SAMD3: variants seen among roughly 807,000 people sequenced by gnomAD.
SAMD3 encodes the protein sterile alpha motif domain-containing protein 3.
In SAMD3, 63 loss-of-function variants were observed where a neutral mutation model predicts 58.5. The observed-to-expected ratio is 1.08, with a 90% CI of 0.88 to 1.33. The LOEUF is 1.33. SAMD3 is among the 40% of genes most tolerant of loss of function. The pLI is 0.00. For synonymous variants in SAMD3, 220 were observed against 210.3 expected (o/e 1.05, Z -0.40); for missense variants, 604 against 608.4 (o/e 0.99, Z 0.08).
In SAMD3 at chr6:130,159,152, T is replaced by C. The variant is rs376302095; in HGVS notation, c.823-4127A>G. 6.6e-5 allele frequency among the ~76,000 whole-genome samples: 10 copies of C among 152,278 alleles called. No individual in the cohort carries two copies. In the South Asian group the frequency reaches 1.0e-3, roughly 16 times the overall value. ...GTGGGAAGGACCAGTTGGGAGATGA[T>C]TGAATCATGGGGGCAAGTCTTTCTC... On this transcript the variant is annotated intron_variant, in intron 8 of 11. Coordinates refer to ENST00000439090, the MANE Select transcript of SAMD3 (RefSeq NM_001017373.4).
chr6:130,365,489 C>T (rs1778112703), upstream of SAMD3: 2 of 985,232 alleles, frequency 2.0e-6, no homozygotes, highest in Non-Finnish European at 2.4e-6. Context: ...CCCGGCCCGC[C>T]GGGCGGCATC....
At chr6:130,245,602 C>T (rs1320813323) in intron 2 of SAMD3, among the ~76,000 whole-genome samples, 1 of 152,218 alleles carries the variant, frequency 6.6e-6, no homozygotes, top group African/African-American at 2.4e-5. Context: ...TCTGAGTGCA[C>T]ATTGGTGGCC....
At chr6:130,191,548 A>G (rs570687411) in intron 5 of SAMD3, among the ~76,000 whole-genome samples, 8 of 152,132 alleles carry the variant, frequency 5.3e-5, no homozygotes, top group African/African-American at 1.4e-4. Context: ...AAGCTCTTGA[A>G]TTTTCAAACT....
At chr6:130,239,197 A>G (rs1773269890) in intron 2 of SAMD3, among the ~76,000 whole-genome samples, 1 of 152,166 alleles carries the variant, frequency 6.6e-6, no homozygotes, top group African/African-American at 2.4e-5. Flanking sequence ...CTACCTTGCA[A>G]ATGGAGATAA....
intron 2 of SAMD3, among the ~76,000 whole-genome samples, chr6:130,255,131 T>C (rs1410697619): frequency 6.6e-6 from 1 of 152,262 alleles, no homozygotes; most frequent in Non-Finnish European, 1.5e-5. Context: ...TATTGACTTC[T>C]AGTTTCATAC....
rs201770356 is a variant in SAMD3, at chr6:130,214,503, G to A, written c.103C>T (p.Leu35Phe). Residue 35 changes from leucine to phenylalanine, a missense_variant, in exon 4 of 12, where the codon CTT becomes TTT. Transcript: ENST00000439090. ...ACCATCCGATCATTAAGTGCAAGAA[G>A]AGCGGCCCCACTTACTTCTTCCTCT... ...FQEEEVSGAA[L>F]LALNDRMVQQ... 1 of 1,600,960 alleles carries A rather than the reference G, an allele frequency of 6.2e-7. No homozygotes were observed. The highest frequency in any genetic ancestry group is 1.7e-4 in the Middle Eastern group (1 of 5,984).
chr6:130,271,723 T>C (rs1774570244), intron 2 of SAMD3, among the ~76,000 whole-genome samples: 1 of 152,162 alleles, frequency 6.6e-6, no homozygotes, highest in Non-Finnish European at 1.5e-5. Context: ...GACTGGGTAA[T>C]TAATAAAGGA....
chr6:130,318,053 C>T (rs956531983), intron 1 of SAMD3, among the ~76,000 whole-genome samples: 3 of 152,180 alleles, frequency 2.0e-5, no homozygotes, highest in Non-Finnish European at 4.4e-5. Flanking sequence ...CTGATCAACA[C>T]ATGCATGTTA....
At chr6:130,365,416 C>T in exon 1 of SAMD3, 1 of 985,442 alleles carries the variant, frequency 1.0e-6, no homozygotes, top group Non-Finnish European at 1.2e-6. Context: ...GGGCCTTGGC[C>T]GCGTCTTTTC....
intron 2 of SAMD3, among the ~76,000 whole-genome samples, chr6:130,284,779 G>C (rs1404463930): frequency 6.6e-6 from 1 of 152,156 alleles, no homozygotes; most frequent in African/African-American, 2.4e-5. Flanking sequence ...GATGAAGATG[G>C]TTACTACGCG....
At chr6:130,156,710 C>G (rs1056115673) in intron 8 of SAMD3, among the ~76,000 whole-genome samples, 1 of 151,972 alleles carries the variant, frequency 6.6e-6, no homozygotes, top group Non-Finnish European at 1.5e-5. Flanking sequence ...GCAGCTCACA[C>G]CCAGTAATCC....
At chr6:130,343,650 A>T (rs747349066) in intron 1 of SAMD3, among the ~76,000 whole-genome samples, 1 of 152,126 alleles carries the variant, frequency 6.6e-6, no homozygotes, top group African/African-American at 2.4e-5. Flanking sequence ...AAAAGGTATC[A>T]GTGCTAGAAG....
rs746259963 is a variant in SAMD3 at position 130,332,130 on chromosome 6, TG to T, written c.-303-19038del. Reference sequence around the variant, plus strand: ...AACTAGAACAGAGGTGATAAGCTTGTGGCATTCTTTGGAGTAGAGTTGCCAG... The same window carrying T: ...AACTAGAACAGAGGTGATAAGCTTGTGCATTCTTTGGAGTAGAGTTGCCAG... On this transcript the variant is annotated intron_variant, in intron 1 of 13. Transcript: ENST00000368134. Among the ~76,000 whole-genome samples, 16 of 152,350 alleles carry T rather than the reference TG, an allele frequency of 1.1e-4. 2 individuals are homozygous for T. The highest frequency in any genetic ancestry group is 1.2e-4 in the African/African-American group (5 of 41,588).
In SAMD3 at chr6:130,216,902, A is replaced by T. The variant is rs181948593; in HGVS notation, c.-67-286T>A. ...CCTTGCGAAGATTAGGACTTAGGGA[A>T]AAAATAGAAAATAGAGAAAAAATAA... On this transcript the variant is annotated intron_variant, in intron 1 of 11. Coordinates refer to ENST00000439090, the MANE Select transcript of SAMD3 (RefSeq NM_001017373.4). Among the ~76,000 whole-genome samples the T allele has an allele frequency of 4.1e-3, 632 of 152,344 alleles. 8 individuals carry two copies. Among genetic ancestry groups the T allele is most frequent in the African/African-American group, 0.014 (594 of 41,576 alleles).
chr6:130,278,670 A>C (rs547817937), intron 2 of SAMD3, among the ~76,000 whole-genome samples: 4 of 152,130 alleles, frequency 2.6e-5, no homozygotes, highest in Non-Finnish European at 5.9e-5. Flanking sequence ...GTGAAACTGG[A>C]AAATAAGGCT....
intron 11 of SAMD3, 66 bp from the exon 12 acceptor site, chr6:130,144,870 T>A: frequency 1.5e-6 from 2 of 1,348,466 alleles, no homozygotes; most frequent in Non-Finnish European, 2.0e-6. Context: ...CATCTGAACT[T>A]AATCATGGTA....
At chr6:130,339,811 G>A (rs1347397880) in intron 1 of SAMD3, among the ~76,000 whole-genome samples, 1 of 152,200 alleles carries the variant, frequency 6.6e-6, no homozygotes, top group African/African-American at 2.4e-5. Flanking sequence ...GTGGTTGGGT[G>A]TAGAAAAAAT....
At chr6:130,344,023 A>G (rs949870056) in intron 1 of SAMD3, among the ~76,000 whole-genome samples, 6 of 151,994 alleles carry the variant, frequency 3.9e-5, no homozygotes, top group African/African-American at 1.2e-4. Flanking sequence ...AACCCCCATA[A>G]GAGAGTGGCC....
intron 9 of SAMD3, among the ~76,000 whole-genome samples, chr6:130,153,662 A>ATATT (rs1342656598): frequency 3.0e-5 from 4 of 131,266 alleles, no homozygotes; most frequent in African/African-American, 8.3e-5. Context: ...ATATATATAT[A>ATATT]TATTTATTTA....
Sources: allele counts gnomAD v4.1 joint callset (sites outside exome capture counted in the v4.1 genomes callset), GRCh38; gene constraint gnomAD v4.1.1; transcripts MANE v1.5; gene names NCBI Gene and HGNC (gene_info 2026-07-23, HGNC 2026-07-21).